SGSM1: variants seen among roughly 807,000 people sequenced by gnomAD.
The protein encoded by SGSM1 is RUN and TBC1 domain containing 2.
In SGSM1, 73 loss-of-function variants were observed where a neutral mutation model predicts 133.8. That is an observed-to-expected ratio of 0.55 (90% confidence interval 0.45 to 0.66). SGSM1 has a LOEUF of 0.66. Among genes scored for constraint, SGSM1 ranks in the 30% least tolerant of loss-of-function variants. SGSM1 has a pLI of 0.00. For synonymous variants in SGSM1, 563 were observed against 573.0 expected (o/e 0.98, Z 0.25); for missense variants, 1,213 against 1,448.1 (o/e 0.84, Z 2.64).
rs1003335243 is a variant in SGSM1 at position 24,925,924 on chromosome 22, A to G, written c.*1650A>G. ...TTTACTCTGCCTACCTGTCCTTTCAATAGAGCAGTCTTTCCCGCTCTTCTG... is the reference window on the plus strand; with the variant it reads ...TTTACTCTGCCTACCTGTCCTTTCAGTAGAGCAGTCTTTCCCGCTCTTCTG... On this transcript the variant is annotated 3_prime_UTR_variant, in exon 25 of 25. Transcript: ENST00000400358. 3.3e-5 allele frequency: 5 copies of G among 152,204 alleles called. No individual in the cohort carries two copies. The highest frequency in any genetic ancestry group is 9.7e-5 in the African/African-American group (4 of 41,432). The allele number at this position is 152,204 out of a possible 1,614,324, so 9.4% of individuals were successfully genotyped here. A position where few individuals can be genotyped will look rare whatever the true frequency, so the allele number is the denominator to read the frequency against.
rs561578494 is a variant in SGSM1 at position 24,911,106 on chromosome 22, GAC to G, written c.2819-1534_2819-1533del. 1.4e-4 allele frequency among the ~76,000 whole-genome samples: 22 copies of G among 151,778 alleles called. No individual in the cohort carries two copies. In the South Asian group the frequency reaches 4.2e-3, roughly 29 times the overall value. ...GAAAAATTAGCCAGGTGTGTTGGCA[GAC>G]ACCTGTGGTCCCAGCTACTCAGGAG... On this transcript the variant is annotated intron_variant, in intron 21 of 24. Transcript: ENST00000400358.
intron 24 of SGSM1, among the ~76,000 whole-genome samples, chr22:24,922,833 G>A (rs570921988): frequency 1.3e-5 from 2 of 152,306 alleles, no homozygotes; most frequent in East Asian, 3.9e-4. Flanking sequence ...CAAAGACAAA[G>A]TCATTGATGG....
intron 21 of SGSM1, 59 bp from the exon 22 acceptor site, chr22:24,912,584 C>T: frequency 8.7e-7 from 1 of 1,151,150 alleles, no homozygotes; most frequent in Non-Finnish European, 1.3e-6. Context: ...AGAGGACAAA[C>T]ATCTGAACCA....
intron 4 of SGSM1, among the ~76,000 whole-genome samples, chr22:24,849,247 TAA>T (rs377102485): frequency 1.1e-4 from 16 of 142,530 alleles, no homozygotes; most frequent in East Asian, 2.1e-4. Flanking sequence ...AGTATTTTAT[TAA>T]AAAAAAAAAA....
intron 18 of SGSM1, 60 bp downstream of exon 18, chr22:24,895,351 TG>T: frequency 6.5e-7 from 1 of 1,541,680 alleles, no homozygotes; most frequent in Non-Finnish European, 8.9e-7. Context: ...CCTGGGGTCA[TG>T]GGGGTTGGGT....
chr22:24,817,777 A>C (rs1928195060), intron 2 of SGSM1, among the ~76,000 whole-genome samples: 1 of 152,214 alleles, frequency 6.6e-6, no homozygotes, highest in Non-Finnish European at 1.5e-5. Context: ...GGGTAGCTTC[A>C]AAACAACAGG....
chr22:24,846,536 A>C (rs1303093238), intron 3 of SGSM1, among the ~76,000 whole-genome samples: 2 of 152,200 alleles, frequency 1.3e-5, no homozygotes, highest in Admixed American at 1.3e-4. Context: ...AAAAGTAATA[A>C]AAATAGTATA....
At chr22:24,912,192 C>A (rs1463686067) in intron 21 of SGSM1, among the ~76,000 whole-genome samples, 1 of 151,776 alleles carries the variant, frequency 6.6e-6, no homozygotes, top group Non-Finnish European at 1.5e-5. Flanking sequence ...GAGCTTGGAA[C>A]AGAAAAATGA....
At chr22:24,915,229 A>T (rs1322375998) in intron 22 of SGSM1, among the ~76,000 whole-genome samples, 1 of 151,192 alleles carries the variant, frequency 6.6e-6, no homozygotes, top group East Asian at 2.0e-4. Flanking sequence ...ACTCCGTCTC[A>T]AAATAAATAA....
At chr22:24,817,702 A>G (rs1397830760) in intron 2 of SGSM1, among the ~76,000 whole-genome samples, 4 of 151,724 alleles carry the variant, frequency 2.6e-5, no homozygotes, top group Non-Finnish European at 4.4e-5. Context: ...CAACCCAAAT[A>G]CCCAAGTACG....
At chr22:24,887,686 TCTCA>T (rs139720) in intron 16 of SGSM1, among the ~76,000 whole-genome samples, 50,981 of 151,862 alleles carry the variant, frequency 0.34, 8,798 homozygotes, top group African/African-American at 0.41. Flanking sequence ...ATGCCTTTAG[TCTCA>T]CTCAGCAAGA....
intron 14 of SGSM1, among the ~76,000 whole-genome samples, chr22:24,880,270 G>C (rs1346650572): frequency 6.6e-6 from 1 of 152,050 alleles, no homozygotes; most frequent in Non-Finnish European, 1.5e-5. Flanking sequence ...GAGTAGCTGG[G>C]ATTACAGGCA....
intron 16 of SGSM1, among the ~76,000 whole-genome samples, chr22:24,891,196 C>CA (rs1569165851): frequency 6.6e-6 from 1 of 152,124 alleles, no homozygotes; most frequent in South Asian, 2.1e-4. Context: ...CCCATCTCTA[C>CA]AAAAAATTTA....
intron 2 of SGSM1, among the ~76,000 whole-genome samples, chr22:24,813,513 G>C (rs541447483): frequency 3.2e-4 from 49 of 152,302 alleles, no homozygotes; most frequent in Admixed American, 8.5e-4. Context: ...GCATGTGCTT[G>C]AATGAATGCA....
At chr22:24,908,614 A>G (rs1476144094) in intron 21 of SGSM1, among the ~76,000 whole-genome samples, 1 of 152,158 alleles carries the variant, frequency 6.6e-6, no homozygotes, top group Non-Finnish European at 1.5e-5. Context: ...CATCCTGGCT[A>G]ACATGGTGAA....
chr22:24,857,354 G>T (rs371203241), intron 8 of SGSM1, among the ~76,000 whole-genome samples: 4 of 142,502 alleles, frequency 2.8e-5, no homozygotes, highest in Non-Finnish European at 1.5e-5. Context: ...GCTGCAGTAA[G>T]CCAAGCTCGC....
intron 14 of SGSM1, among the ~76,000 whole-genome samples, chr22:24,880,193 G>A (rs1231525130): frequency 6.6e-6 from 1 of 151,870 alleles, no homozygotes; most frequent in African/African-American, 2.4e-5. Context: ...GGAGTGCAAT[G>A]GCTTGATCTC....
At chr22:24,890,164 G>A (rs994893079) in intron 16 of SGSM1, among the ~76,000 whole-genome samples, 3 of 151,824 alleles carry the variant, frequency 2.0e-5, no homozygotes, top group Admixed American at 6.6e-5. Flanking sequence ...TACCGTGTTA[G>A]ATAGGATGGT....
chr22:24,829,689 GA>G lies in SGSM1; in HGVS notation c.64-15199del, dbSNP rs911006010. The stretch of plus-strand genomic sequence containing the variant: ...AGTAACCTAGGACAGATTACGTGGG[GA>G]AAAAAAAATCTGTGCCTCAGTTTCC... On this transcript the variant is annotated intron_variant, in intron 2 of 24. Transcript: ENST00000400358. Among the ~76,000 whole-genome samples, 22 of 151,316 alleles carry G rather than the reference GA, an allele frequency of 1.5e-4. No homozygotes were observed. The South Asian group carries it at 3.4e-3, about 23-fold the overall frequency.
Sources: gnomAD v4.1 joint callset for allele counts (sites outside exome capture counted in the v4.1 genomes callset) on GRCh38, gnomAD v4.1.1 for gene constraint, MANE v1.5 for transcripts, NCBI Gene and HGNC (gene_info 2026-07-23, HGNC 2026-07-21) for gene names.